The following POLA1 variants were observed in gnomAD, a reference collection of about 807,000 sequenced individuals.
POLA1 encodes the protein DNA polymerase alpha 1, catalytic subunit.
Under a neutral mutation model 124.0 loss-of-function variants are expected in POLA1, and 15 were observed. The observed-to-expected ratio is 0.12, with a 90% CI of 0.08 to 0.19. The LOEUF is 0.19. Among genes scored for constraint, POLA1 ranks in the 10% least tolerant of loss-of-function variants. The pLI is 1.00. For missense variants in POLA1, 886 were observed against 1,103.4 expected, an observed-to-expected ratio of 0.80 and a Z score of 2.79; for synonymous variants, 408 against 389.4, an observed-to-expected ratio of 1.05 and a Z score of -0.56.
intron 35 of POLA1, among the ~76,000 whole-genome samples, chrX:24,925,930 C>T (rs983132453): frequency 3.6e-5 from 4 of 111,177 alleles, no homozygotes; most frequent in African/African-American, 1.3e-4. Flanking sequence ...CACAGGACAA[C>T]ATAGATGAAT....
At chrX:24,991,110 C>T (rs759534691) in intron 36 of POLA1, among the ~76,000 whole-genome samples, 57 of 110,972 alleles carry the variant, frequency 5.1e-4, no homozygotes, top group Non-Finnish European at 9.4e-4. Flanking sequence ...TCCCCTCTTT[C>T]GTTTGATCTT....
intron 26 of POLA1, among the ~76,000 whole-genome samples, chrX:24,751,080 T>A (rs919573136): frequency 5.3e-5 from 6 of 112,237 alleles, no homozygotes; most frequent in African/African-American, 1.9e-4. Context: ...TGGGTGATAA[T>A]ACATGGGTTG....
chrX:24,970,933 A>T (rs760749783), intron 36 of POLA1, among the ~76,000 whole-genome samples: 2 of 112,334 alleles, frequency 1.8e-5, no homozygotes, highest in South Asian at 3.7e-4. Flanking sequence ...AACACAAGAA[A>T]CGAGGATACC....
In POLA1 at chrX:24,808,451, A is replaced by G. The variant is rs142911402; in HGVS notation, c.2965-1447A>G. Among the ~76,000 whole-genome samples, 197 of 112,226 alleles carry G rather than the reference A, an allele frequency of 1.8e-3. 1 individual carries two copies. The highest frequency in any genetic ancestry group is 6.1e-3 in the African/African-American group (188 of 30,937). On this transcript the variant is annotated intron_variant, in intron 26 of 36. Transcript: ENST00000379068. Reference sequence around the variant, plus strand: ...GAATTGCCATGATTATCTTAGGCCAATGGTCCTTAAGCCAGCTTGCAATGT... The same window carrying G: ...GAATTGCCATGATTATCTTAGGCCAGTGGTCCTTAAGCCAGCTTGCAATGT...
At chrX:24,793,216 G>T (rs1314318042) in intron 26 of POLA1, among the ~76,000 whole-genome samples, 1 of 91,139 alleles carries the variant, frequency 1.1e-5, no homozygotes, top group African/African-American at 4.3e-5. Flanking sequence ...GGTGGAGGTT[G>T]CATTGAGCCA....
At position 24,711,045 on chromosome X, in the gene POLA1, C is replaced by T. The variant is rs1353302642; in HGVS notation, c.347-3509C>T. ...TCGTCCAGGATGGAGTGCAGTGGTGCGATTTGGGCTCACTGCAACCTCCGC... is the reference window on the plus strand; with the variant it reads ...TCGTCCAGGATGGAGTGCAGTGGTGTGATTTGGGCTCACTGCAACCTCCGC... On this transcript the variant is annotated intron_variant, in intron 4 of 36. Coordinates refer to ENST00000379068, the MANE Select transcript of POLA1 (RefSeq NM_001330360.2). Among the ~76,000 whole-genome samples, 5 of 111,531 alleles carry T rather than the reference C, an allele frequency of 4.5e-5. 1 individual carries two copies. The Admixed American group carries it at 4.7e-4, about 11-fold the overall frequency.
At chrX:24,960,757 T>C (rs2048159791) in intron 36 of POLA1, among the ~76,000 whole-genome samples, 1 of 111,720 alleles carries the variant, frequency 9.0e-6, no homozygotes, top group Non-Finnish European at 1.9e-5. Flanking sequence ...TAAGTATGTG[T>C]CTAGGATGGC....
intron 36 of POLA1, among the ~76,000 whole-genome samples, chrX:24,951,319 C>G (rs1215365751): frequency 1.1e-5 from 1 of 93,358 alleles, no homozygotes; most frequent in Admixed American, 1.3e-4. Context: ...TATACAGATA[C>G]TCACTTTCTT....
At chrX:24,800,345 A>G (rs1254849711) in intron 26 of POLA1, among the ~76,000 whole-genome samples, 1 of 112,356 alleles carries the variant, frequency 8.9e-6, no homozygotes, top group African/African-American at 3.2e-5. Flanking sequence ...ACACATTCAA[A>G]TCTTTGCTGA....
intron 34 of POLA1, among the ~76,000 whole-genome samples, chrX:24,857,943 C>G (rs977537670): frequency 9.0e-6 from 1 of 111,143 alleles, no homozygotes; most frequent in Admixed American, 9.6e-5. Flanking sequence ...TTCTAATGTA[C>G]CACTGAATAG....
intron 4 of POLA1, among the ~76,000 whole-genome samples, chrX:24,713,137 G>C (rs1430777513): frequency 2.8e-5 from 3 of 109,059 alleles, no homozygotes; most frequent in Non-Finnish European, 1.9e-5. Context: ...GCTAATTTTT[G>C]TATTTTTAGT....
chrX:24,951,976 A>G (rs759783112), intron 36 of POLA1, among the ~76,000 whole-genome samples: 1 of 112,023 alleles, frequency 8.9e-6, no homozygotes, highest in Non-Finnish European at 1.9e-5. Context: ...AATACAAGCC[A>G]TTCAGAGTTT....
intron 31 of POLA1, among the ~76,000 whole-genome samples, chrX:24,825,248 G>C: frequency 8.9e-6 from 1 of 112,305 alleles, no homozygotes; most frequent in Non-Finnish European, 1.9e-5. Context: ...CTTTTAATCT[G>C]AGTTTGCTTC....
At chrX:24,935,017 G>A (rs924304751) in intron 36 of POLA1, among the ~76,000 whole-genome samples, 19 of 111,696 alleles carry the variant, frequency 1.7e-4, no homozygotes, top group Non-Finnish European at 3.2e-4. Flanking sequence ...CACCACACCC[G>A]GCCAGGTCTC....
chrX:24,872,040 T>A (rs2046872296), intron 34 of POLA1, among the ~76,000 whole-genome samples: 1 of 111,661 alleles, frequency 9.0e-6, no homozygotes, highest in Admixed American at 9.5e-5. Context: ...TTGGGAAATC[T>A]GCTAGAGGCA....
At chrX:24,744,124 A>G (rs1471115374) in intron 23 of POLA1, among the ~76,000 whole-genome samples, 2 of 112,783 alleles carry the variant, frequency 1.8e-5, no homozygotes, top group Non-Finnish European at 3.7e-5. Flanking sequence ...AGTAGTGTTA[A>G]GAATATTCAC....
At chrX:24,727,102 A>G in intron 14 of POLA1, 31 bp downstream of exon 14, 1 of 1,136,954 alleles carries the variant, frequency 8.8e-7, no homozygotes, top group Non-Finnish European at 1.2e-6. Context: ...AGAATGCTGA[A>G]TAGATTGCTG....
At chrX:24,852,589 C>T (rs760592388) in intron 34 of POLA1, among the ~76,000 whole-genome samples, 1 of 112,079 alleles carries the variant, frequency 8.9e-6, no homozygotes, top group African/African-American at 3.2e-5. Context: ...GGATTACAGG[C>T]GTGAGCCACC....
intron 34 of POLA1, among the ~76,000 whole-genome samples, chrX:24,859,361 G>A (rs1018180580): frequency 2.7e-5 from 3 of 111,177 alleles, no homozygotes; most frequent in African/African-American, 9.8e-5. Flanking sequence ...TCTGCCTGCC[G>A]CACTGGAGAG....
Sources: gnomAD v4.1 joint callset for allele counts (sites outside exome capture counted in the v4.1 genomes callset) on GRCh38, gnomAD v4.1.1 for gene constraint, MANE v1.5 for transcripts, NCBI Gene and HGNC (gene_info 2026-07-23, HGNC 2026-07-21) for gene names.